Variants in PTPRD observed in about 807,000 individuals in gnomAD.
PTPRD encodes receptor-type tyrosine-protein phosphatase delta.
PTPRD carries 34 observed loss-of-function variants against 214.5 expected under a neutral mutation model. The ratio of observed to expected loss-of-function variants is 0.16; its 90% CI spans 0.12 to 0.21. PTPRD has a LOEUF of 0.21. PTPRD is among the 10% of genes least tolerant of loss of function. The probability of loss-of-function intolerance (pLI) is 1.00; values close to 1 mark genes in which losing one functional copy is unlikely to be tolerated. For synonymous variants in PTPRD, 1,128 were observed against 845.7 expected (o/e 1.33, Z -5.79); for missense variants, 2,545 against 2,398.7 (o/e 1.06, Z -1.27).
At chr9:9,360,304 T>C (rs2055580754) in intron 9 of PTPRD, among the ~76,000 whole-genome samples, 1 of 149,900 alleles carries the variant, frequency 6.7e-6, no homozygotes, top group Non-Finnish European at 1.5e-5. Flanking sequence ...ACAATAAAAA[T>C]AGGGCAGTCC....
intron 32 of PTPRD, among the ~76,000 whole-genome samples, chr9:8,464,944 G>A (rs574226390): frequency 9.2e-5 from 14 of 151,872 alleles, no homozygotes; most frequent in African/African-American, 2.9e-4. Context: ...TCATGAATCC[G>A]GGTAGAGGCA....
intron 11 of PTPRD, among the ~76,000 whole-genome samples, chr9:8,923,115 C>G (rs1481865213): frequency 6.6e-6 from 1 of 150,662 alleles, no homozygotes; most frequent in Admixed American, 6.6e-5. Flanking sequence ...GGTCTCGGTT[C>G]ACTGAAACCT....
chr9:8,920,407 T>C (rs1323294654), intron 11 of PTPRD, among the ~76,000 whole-genome samples: 2 of 152,144 alleles, frequency 1.3e-5, no homozygotes, highest in East Asian at 3.8e-4. Flanking sequence ...AGGAAAAACA[T>C]TGAAAATATC....
intron 3 of PTPRD, among the ~76,000 whole-genome samples, chr9:10,135,648 G>T (rs751899037): frequency 2.0e-5 from 3 of 151,970 alleles, no homozygotes; most frequent in African/African-American, 7.3e-5. Context: ...AAGTGAAGAA[G>T]AAATAAAATT....
intron 2 of PTPRD, among the ~76,000 whole-genome samples, chr9:10,495,352 C>T (rs558622023): frequency 6.6e-6 from 1 of 151,850 alleles, no homozygotes; most frequent in Non-Finnish European, 1.5e-5. Flanking sequence ...AGAAAATCCA[C>T]TTCACTCAAA....
At chr9:8,398,099 G>A (rs1026193702) in intron 36 of PTPRD, among the ~76,000 whole-genome samples, 13 of 152,040 alleles carry the variant, frequency 8.6e-5, no homozygotes, top group African/African-American at 2.9e-4. Context: ...ACATATCAAA[G>A]AAATTTTGTC....
intron 2 of PTPRD, among the ~76,000 whole-genome samples, chr9:10,508,869 A>C (rs983104566): frequency 6.6e-6 from 1 of 152,108 alleles, no homozygotes; most frequent in African/African-American, 2.4e-5. Context: ...GGTGCAGCAC[A>C]CCAACATGGT....
chr9:9,598,566 A>G (rs1432753902), intron 7 of PTPRD, among the ~76,000 whole-genome samples: 7 of 152,094 alleles, frequency 4.6e-5, no homozygotes, highest in Non-Finnish European at 1.0e-4. Flanking sequence ...AGCAACTACT[A>G]TAGACCTACT....
At chr9:8,807,251 C>A (rs552235365) in intron 11 of PTPRD, among the ~76,000 whole-genome samples, 2 of 152,110 alleles carry the variant, frequency 1.3e-5, no homozygotes, top group South Asian at 4.2e-4. Flanking sequence ...GCAGGAGAAT[C>A]GCTTGAACCC....
At chr9:10,182,321 A>G (rs1168790382) in intron 3 of PTPRD, among the ~76,000 whole-genome samples, 2 of 151,478 alleles carry the variant, frequency 1.3e-5, no homozygotes, top group East Asian at 1.9e-4. Context: ...CATCAAAATG[A>G]TAGATTTTTA....
chr9:10,403,963 C>T (rs1046265757), intron 2 of PTPRD, among the ~76,000 whole-genome samples: 2 of 151,550 alleles, frequency 1.3e-5, no homozygotes, highest in Non-Finnish European at 3.0e-5. Flanking sequence ...CAGAATGTAC[C>T]ACAGCGAGAG....
chr9:9,617,169 A>C (rs1220975885), intron 7 of PTPRD, among the ~76,000 whole-genome samples: 1 of 152,198 alleles, frequency 6.6e-6, no homozygotes, highest in East Asian at 1.9e-4. Flanking sequence ...TTTCCAACTT[A>C]TTAATAGAAG....
At chr9:8,373,060 A>G (rs1180843780) in intron 39 of PTPRD, among the ~76,000 whole-genome samples, 1 of 152,050 alleles carries the variant, frequency 6.6e-6, no homozygotes, top group Non-Finnish European at 1.5e-5. Flanking sequence ...GTGTAACATG[A>G]TCATGATTAA....
intron 3 of PTPRD, among the ~76,000 whole-genome samples, chr9:10,205,483 G>A (rs1184165263): frequency 6.6e-6 from 1 of 151,680 alleles, no homozygotes; most frequent in East Asian, 1.9e-4. Context: ...TTGGCTCACT[G>A]CAACCTCCAC....
chr9:9,856,254 AG>A (rs1038998386), intron 5 of PTPRD, among the ~76,000 whole-genome samples: 3 of 152,110 alleles, frequency 2.0e-5, no homozygotes, highest in African/African-American at 7.2e-5. Flanking sequence ...AGATGAGCTT[AG>A]GGTCTTTATA....
intron 11 of PTPRD, among the ~76,000 whole-genome samples, chr9:8,965,185 C>G (rs1266743361): frequency 6.6e-6 from 1 of 151,940 alleles, no homozygotes; most frequent in Non-Finnish European, 1.5e-5. Flanking sequence ...CGAGACCAGC[C>G]TGGCCAACAT....
intron 7 of PTPRD, among the ~76,000 whole-genome samples, chr9:9,679,702 C>T (rs1269881148): frequency 1.3e-5 from 2 of 151,772 alleles, no homozygotes; most frequent in African/African-American, 4.8e-5. Context: ...TTAACAGAGT[C>T]AAATTTTAAA....
At chr9:8,323,736 G>T (rs956475789) in intron 44 of PTPRD, among the ~76,000 whole-genome samples, 1 of 152,158 alleles carries the variant, frequency 6.6e-6, no homozygotes, top group Admixed American at 6.6e-5. Flanking sequence ...TCTCAAGATG[G>T]AATATACTCA....
intron 3 of PTPRD, among the ~76,000 whole-genome samples, chr9:10,042,328 G>A (rs1309703229): frequency 2.6e-5 from 4 of 151,902 alleles, no homozygotes; most frequent in Non-Finnish European, 4.4e-5. Context: ...ACTCAGAGAT[G>A]AATCCTCAAA....
Sources: gnomAD v4.1 joint callset for allele counts (sites outside exome capture counted in the v4.1 genomes callset) on GRCh38, gnomAD v4.1.1 for gene constraint, MANE v1.5 for transcripts, NCBI Gene and HGNC (gene_info 2026-07-23, HGNC 2026-07-21) for gene names.